Variants in UNC13C observed in about 807,000 individuals in gnomAD.
UNC13C encodes protein unc-13 homolog C.
In UNC13C, 174 loss-of-function variants were observed where a neutral mutation model predicts 245.4. That is an observed-to-expected ratio of 0.71 (90% CI 0.63 to 0.80). The LOEUF (loss-of-function observed/expected upper bound fraction) is 0.80, where lower values mean the gene tolerates loss of function less well. Ranked by LOEUF, UNC13C falls within the 30% of genes least tolerant of loss-of-function variation. The pLI is 0.00. For missense variants in UNC13C, 2,829 were observed against 2,602.9 expected (o/e 1.09, Z -1.89); for synonymous variants, 992 against 895.1 (o/e 1.11, Z -1.93).
intron 18 of UNC13C, among the ~76,000 whole-genome samples, chr15:54,414,259 A>G (rs577706075): frequency 6.6e-6 from 1 of 152,284 alleles, no homozygotes; most frequent in South Asian, 2.1e-4. Flanking sequence ...TTCAAAGAAA[A>G]TGGCTGAGGG....
chr15:54,555,314 G>A (rs566162718), intron 28 of UNC13C, 118 bp from the exon 29 acceptor site: 34 of 730,664 alleles, frequency 4.7e-5, no homozygotes, highest in South Asian at 2.2e-4. Flanking sequence ...GCATTCAGGT[G>A]CAGAAGATAT....
chr15:54,460,102 G>T (rs942284390), intron 19 of UNC13C, among the ~76,000 whole-genome samples: 2 of 152,122 alleles, frequency 1.3e-5, no homozygotes, highest in African/African-American at 4.8e-5. Flanking sequence ...CCTTGATATG[G>T]TGCTCTCCCC....
In UNC13C at chr15:54,563,393, G is replaced by A. The variant is rs115505078; in HGVS notation, c.5959-4407G>A. Among the ~76,000 whole-genome samples the A allele has an allele frequency of 2.7e-3, 408 of 152,072 alleles. 2 individuals carry two copies. Among genetic ancestry groups the A allele is most frequent in the African/African-American group, 9.4e-3 (391 of 41,524 alleles). ...CTCCTCCATAGTCCTTCAACTGAGA[G>A]GTTACAAATTCTTTTCTTCAATAAG... On this transcript the variant is annotated intron_variant, in intron 29 of 32. Transcript: ENST00000260323.
rs1008015789 is a variant in UNC13C at position 54,627,261 on chromosome 15, C to T, written c.*148C>T. 15 of 769,926 alleles carry T rather than the reference C, an allele frequency of 1.9e-5. No individual in the cohort carries two copies. The African/African-American group carries it at 2.3e-4, about 12-fold the overall frequency. 47.7% of individuals were successfully genotyped at this position (769,926 alleles called of 1,614,324 possible). A position where few individuals can be genotyped will look rare whatever the true frequency, so the allele number is the denominator to read the frequency against. ...CAAGGTATGTAAAAAACCTGCTGAACTTTTATACCAATTCTGGTCTTTGGG... is the reference window on the plus strand; with the variant it reads ...CAAGGTATGTAAAAAACCTGCTGAATTTTTATACCAATTCTGGTCTTTGGG... On this transcript the variant is annotated 3_prime_UTR_variant, in exon 33 of 33. Coordinates refer to ENST00000260323, the MANE Select transcript of UNC13C (RefSeq NM_001080534.3).
Position 54,305,603 on chromosome 15 carries a change from G to T in UNC13C, c.4268+5230G>T, listed in dbSNP as rs554774864. 1.8e-4 allele frequency among the ~76,000 whole-genome samples: 27 copies of T among 151,898 alleles called. No homozygotes were observed. The East Asian group carries it at 5.3e-3, about 30-fold the overall frequency. The stretch of plus-strand genomic sequence containing the variant: ...TGTTGTTCTGAAACCTTGCATCAGG[G>T]AACAACAACAATAAAAGTAACCGGA... On this transcript the variant is annotated intron_variant, in intron 13 of 32. Coordinates refer to ENST00000260323, the MANE Select transcript of UNC13C (RefSeq NM_001080534.3).
At chr15:53,868,628 A>G in the UNC13C span, among the ~76,000 whole-genome samples, 1 of 152,210 alleles carries the variant, frequency 6.6e-6, no homozygotes, top group African/African-American at 2.4e-5. Context: ...CTCCCTGTTT[A>G]AGTCACAGGC....
chr15:54,364,621 A>G (rs1349555616), intron 17 of UNC13C, among the ~76,000 whole-genome samples: 1 of 152,174 alleles, frequency 6.6e-6, no homozygotes, highest in African/African-American at 2.4e-5. Flanking sequence ...CACTGTAGTG[A>G]CTTTTTTGTT....
At chr15:54,439,895 C>A (rs1275980853) in intron 19 of UNC13C, among the ~76,000 whole-genome samples, 7 of 152,000 alleles carry the variant, frequency 4.6e-5, no homozygotes, top group Non-Finnish European at 2.9e-5. Flanking sequence ...TTTCTTCTAT[C>A]TATGGTTGTA....
chr15:54,088,925 C>T (rs113418678), intron 2 of UNC13C, among the ~76,000 whole-genome samples: 3 of 152,092 alleles, frequency 2.0e-5, no homozygotes, highest in African/African-American at 7.2e-5. Context: ...TGGATTGGTC[C>T]CTACCTGGCT....
chr15:54,303,387 AT>A (rs2037638493), intron 13 of UNC13C, among the ~76,000 whole-genome samples: 2 of 152,188 alleles, frequency 1.3e-5, no homozygotes, highest in African/African-American at 4.8e-5. Context: ...GCTGGATAGA[AT>A]CCCATTAAAA....
At chr15:54,484,001 A>T (rs1893270628) in intron 19 of UNC13C, among the ~76,000 whole-genome samples, 1 of 152,088 alleles carries the variant, frequency 6.6e-6, no homozygotes, top group African/African-American at 2.4e-5. Context: ...ATCTTCTGGA[A>T]GTGGTCTTCC....
the UNC13C span, among the ~76,000 whole-genome samples, chr15:53,844,502 T>G: frequency 6.6e-6 from 1 of 151,996 alleles, no homozygotes; most frequent in Non-Finnish European, 1.5e-5. Context: ...TGTGATAAGG[T>G]CATCTGTGTA....
At chr15:54,058,166 T>G (rs953815292) in intron 2 of UNC13C, among the ~76,000 whole-genome samples, 1 of 151,812 alleles carries the variant, frequency 6.6e-6, no homozygotes, top group Non-Finnish European at 1.5e-5. Context: ...AATCAATGAA[T>G]CCAGGAGCTG....
chr15:54,338,086 G>T (rs993489073), intron 16 of UNC13C, among the ~76,000 whole-genome samples: 2 of 152,118 alleles, frequency 1.3e-5, no homozygotes, highest in African/African-American at 4.8e-5. Context: ...ATGAATATTT[G>T]TTGAATGATG....
chr15:54,232,098 G>A (rs12906904), intron 4 of UNC13C, among the ~76,000 whole-genome samples: 66,960 of 151,508 alleles, frequency 0.44, 15,159 homozygotes, highest in African/African-American at 0.5. Flanking sequence ...TGTTTTCGAA[G>A]TCATGGTTTG....
intron 19 of UNC13C, among the ~76,000 whole-genome samples, chr15:54,463,097 G>A (rs1357378054): frequency 1.3e-5 from 2 of 151,676 alleles, no homozygotes; most frequent in Non-Finnish European, 2.9e-5. Flanking sequence ...GGGACTTGGA[G>A]AACTTTTGTG....
intron 4 of UNC13C, among the ~76,000 whole-genome samples, chr15:54,226,946 C>T (rs2035402524): frequency 6.6e-6 from 1 of 152,126 alleles, no homozygotes; most frequent in Non-Finnish European, 1.5e-5. Flanking sequence ...TTCTCCTTCT[C>T]ATTACCCACA....
intron 19 of UNC13C, among the ~76,000 whole-genome samples, chr15:54,423,313 A>C (rs72734787): frequency 0.28 from 41,883 of 151,648 alleles, 6,178 homozygotes; most frequent in African/African-American, 0.38. Flanking sequence ...TCAAAAAATA[A>C]TAATTGAATA....
intron 18 of UNC13C, among the ~76,000 whole-genome samples, chr15:54,412,205 G>GAA (rs140131665): frequency 7.1e-6 from 1 of 141,294 alleles, no homozygotes. Flanking sequence ...GACTTCATCT[G>GAA]AAAAAAAAAA....
Sources: allele counts gnomAD v4.1 joint callset (sites outside exome capture counted in the v4.1 genomes callset), GRCh38; gene constraint gnomAD v4.1.1; transcripts MANE v1.5; gene names NCBI Gene and HGNC (gene_info 2026-07-23, HGNC 2026-07-21).